Variants in ZC3H3 observed in about 807,000 individuals in gnomAD.
ZC3H3 encodes zinc finger CCCH domain-containing protein 3.
ZC3H3 carries 36 observed loss-of-function variants against 77.3 expected under a neutral mutation model. The observed-to-expected ratio is 0.47, with a 90% confidence interval of 0.36 to 0.61. The LOEUF (loss-of-function observed/expected upper bound fraction) is 0.61, where lower values mean the gene tolerates loss of function less well. Ranked by LOEUF, ZC3H3 falls within the 20% of genes least tolerant of loss-of-function variation. ZC3H3 has a pLI of 0.00. For synonymous variants in ZC3H3, 626 were observed against 555.2 expected, an observed-to-expected ratio of 1.13 and a Z score of -1.79; for missense variants, 1,331 against 1,312.2, an observed-to-expected ratio of 1.01 and a Z score of -0.22.
intron 3 of ZC3H3, among the ~76,000 whole-genome samples, chr8:143,525,724 T>G (rs1272747127): frequency 6.6e-6 from 1 of 152,234 alleles, no homozygotes; most frequent in South Asian, 2.1e-4. Flanking sequence ...AAGCACAGTT[T>G]GACCAGCTGG....
At chr8:143,469,273 C>T (rs897376867) in intron 5 of ZC3H3, among the ~76,000 whole-genome samples, 7 of 152,198 alleles carry the variant, frequency 4.6e-5, no homozygotes, top group Non-Finnish European at 8.8e-5. Flanking sequence ...TGAATATGGC[C>T]CATGGGGCAC....
intron 3 of ZC3H3, among the ~76,000 whole-genome samples, 171 bp from the exon 4 acceptor site, chr8:143,508,070 C>T (rs546538013): frequency 5.9e-5 from 9 of 152,254 alleles, no homozygotes; most frequent in Non-Finnish European, 1.3e-4. Flanking sequence ...ATCCCCAGGG[C>T]GCCTGGCAGC....
intron 3 of ZC3H3, among the ~76,000 whole-genome samples, chr8:143,520,443 C>T (rs75510352): frequency 1.1e-4 from 17 of 152,330 alleles, no homozygotes; most frequent in African/African-American, 3.8e-4. Context: ...ACCCTGCGCC[C>T]CCACACAGCC....
chr8:143,539,260 G>A lies in ZC3H3; in HGVS notation c.107C>T (p.Ala36Val), dbSNP rs995731476. ...GNAPAPGTPAASGWQPPTYHS... is the reference protein window; with the variant it reads ...GNAPAPGTPAVSGWQPPTYHS... ...GTAAGTGGGTGGCTGCCACCCAGAA[G>A]CTGCTGGGGTACCAGGGGCCGGGGC... Residue 36 changes from alanine (A) to valine (V), a missense_variant, in exon 2 of 12, where the codon GCT becomes GTT. Transcript: ENST00000262577. The A allele has an allele frequency of 8.7e-6, 14 of 1,612,828 alleles. No homozygotes were observed. Among genetic ancestry groups the A allele is most frequent in the Non-Finnish European group, 1.2e-5 (14 of 1,180,000 alleles).
chr8:143,481,295 G>A (rs1268433889), intron 4 of ZC3H3, among the ~76,000 whole-genome samples: 3 of 152,196 alleles, frequency 2.0e-5, no homozygotes, highest in East Asian at 3.9e-4. Flanking sequence ...GAGGAGAGCT[G>A]CTGATGGGAA....
chr8:143,441,202 GC>G (rs574429455), intron 9 of ZC3H3, 82 bp from the exon 10 acceptor site: 3 of 1,324,314 alleles, frequency 2.3e-6, no homozygotes, highest in Non-Finnish European at 2.9e-6. Context: ...GCCAGGCCAG[GC>G]CCCCCGAGTA....
In ZC3H3 at chr8:143,438,107, G is replaced by A; in HGVS notation, c.2816-20C>T. ...GCTTCCCTATGCAAAGAGGGCAAAA[G>A]TTAGGTGCCCGGAAACCCCTGGAAG... On this transcript the variant is annotated intron_variant, in intron 11 of 11. Transcript: ENST00000262577. 6.2e-7 allele frequency: 1 copy of A among 1,605,534 alleles called. No homozygotes were observed. The highest frequency in any genetic ancestry group is 1.1e-5 in the South Asian group (1 of 89,232).
chr8:143,511,755 C>T (rs1821875997), intron 3 of ZC3H3, among the ~76,000 whole-genome samples: 1 of 152,236 alleles, frequency 6.6e-6, no homozygotes, highest in Admixed American at 6.5e-5. Context: ...AGCACCAGGG[C>T]CTCCAGAAAT....
chr8:143,510,421 C>T (rs13249589), intron 3 of ZC3H3, among the ~76,000 whole-genome samples: 28,435 of 152,226 alleles, frequency 0.19, 2,918 homozygotes, highest in Non-Finnish European at 0.24. Context: ...ATGGGCAGCT[C>T]GGACAAGCTC....
At chr8:143,461,312 G>A (rs1231637289) in intron 9 of ZC3H3, among the ~76,000 whole-genome samples, 6 of 152,186 alleles carry the variant, frequency 3.9e-5, no homozygotes, top group Admixed American at 3.9e-4. Context: ...GATACGGCAC[G>A]CCACGCCCAC....
chr8:143,494,827 C>T lies in ZC3H3; in HGVS notation c.1715+12919G>A, dbSNP rs532030366. On this transcript the variant is annotated intron_variant, in intron 4 of 11. Coordinates refer to ENST00000262577, the MANE Select transcript of ZC3H3 (RefSeq NM_015117.3). The surrounding 1 kb of genome is among the most constrained non-coding windows in gnomAD (Gnocchi z 5.3). ...GAGGAGCCAGAATACCGGCCACCAA[C>T]GGGCAAACGGCCTGAGCAGACCTTT... 3.5e-4 allele frequency among the ~76,000 whole-genome samples: 54 copies of T among 152,332 alleles called. 1 individual carries two copies. In the South Asian group the frequency reaches 0.011, roughly 30 times the overall value.
At chr8:143,438,775 C>T (rs1819648881) in intron 11 of ZC3H3, among the ~76,000 whole-genome samples, 1 of 152,242 alleles carries the variant, frequency 6.6e-6, no homozygotes, top group South Asian at 2.1e-4. Context: ...TAGCTGCCCA[C>T]AGGACTGGGC....
chr8:143,445,405 TAAAG>T (rs1819841001), intron 9 of ZC3H3, among the ~76,000 whole-genome samples: 3 of 15,576 alleles, frequency 1.9e-4, no homozygotes, highest in Admixed American at 8.6e-4. Flanking sequence ...AAAAAGATAA[TAAAG>T]AACCTTATTA....
At chr8:143,539,812 G>A (rs1822949776) in intron 1 of ZC3H3, among the ~76,000 whole-genome samples, 1 of 152,218 alleles carries the variant, frequency 6.6e-6, no homozygotes, top group South Asian at 2.1e-4. Flanking sequence ...CAGGAAAAAA[G>A]AATACTAGGA....
intron 11 of ZC3H3, among the ~76,000 whole-genome samples, 188 bp downstream of exon 11, chr8:143,439,833 GGTGAGGGGGGCCCTGGGGGC>G (rs1819680561): frequency 1.3e-5 from 2 of 149,000 alleles, no homozygotes; most frequent in African/African-American, 2.6e-5. Flanking sequence ...CTGAGCCCTT[GGTGAGGGGGGCCCTGGGGGC>G]CTGAGCCAGG....
chr8:143,528,514 G>A (rs1260779044), intron 3 of ZC3H3, among the ~76,000 whole-genome samples: 1 of 152,252 alleles, frequency 6.6e-6, no homozygotes, highest in Admixed American at 6.5e-5. Context: ...TGGCACAGGA[G>A]GTTACGGCGA....
intron 3 of ZC3H3, among the ~76,000 whole-genome samples, chr8:143,514,059 C>A (rs1441524739): frequency 3.3e-5 from 5 of 152,186 alleles, no homozygotes; most frequent in Admixed American, 3.3e-4. Flanking sequence ...TGGTGCTCAC[C>A]CCTGGCACTT....
In ZC3H3 at chr8:143,538,037, G is replaced by C; in HGVS notation, c.1330C>G (p.Arg444Gly). ...TPLSAYKVKSRTKIIRRRSST... is the reference protein window; with the variant it reads ...TPLSAYKVKSGTKIIRRRSST... The stretch of plus-strand genomic sequence containing the variant: ...CTGCGTCTCCGGATGATCTTGGTGC[G>C]GCTCTTCACTTTGTAAGCCGAGAGC... Residue 444 changes from arginine to glycine, a missense_variant, in exon 2 of 12, where the codon CGC becomes GGC. Around this residue, in one of 3 missense-constraint regions of ZC3H3, gnomAD observed 978 missense variants for 915.5 expected, o/e 1.07. Transcript: ENST00000262577. 6.2e-7 allele frequency: 1 copy of C among 1,611,338 alleles called. No individual in the cohort carries two copies. Among genetic ancestry groups the C allele is most frequent in the Non-Finnish European group, 8.5e-7 (1 of 1,179,038 alleles).
intron 9 of ZC3H3, among the ~76,000 whole-genome samples, chr8:143,451,782 T>TAAAAA (rs547990960): frequency 1.8e-5 from 2 of 112,516 alleles, no homozygotes; most frequent in South Asian, 2.6e-4. Context: ...AGACTCTGCC[T>TAAAAA]AAAAAAAAAA....
Sources: gnomAD v4.1 joint callset for allele counts (sites outside exome capture counted in the v4.1 genomes callset) on GRCh38, gnomAD v4.1.1 for gene constraint, gnomAD v4.1.1 regional missense constraint, Gnocchi (gnomAD v3.1) non-coding constraint, MANE v1.5 for transcripts, NCBI Gene and HGNC (gene_info 2026-07-23, HGNC 2026-07-21) for gene names.